ERICH6B: variants seen among roughly 807,000 people sequenced by gnomAD.
ERICH6B encodes glutamate rich 6B, also known as glutamate-rich protein 6B.
ERICH6B carries 69 observed loss-of-function variants against 80.0 expected under a neutral mutation model. The observed-to-expected ratio is 0.86, with a 90% CI of 0.71 to 1.05. The LOEUF (loss-of-function observed/expected upper bound fraction) is 1.05, where lower values mean the gene tolerates loss of function less well. ERICH6B is among the 50% of genes least tolerant of loss of function. The pLI, the probability that ERICH6B is intolerant of heterozygous loss-of-function variation, is 0.00. For missense variants in ERICH6B, 754 were observed against 796.1 expected (o/e 0.95, Z 0.64); for synonymous variants, 283 against 291.9 (o/e 0.97, Z 0.31).
intron 4 of ERICH6B, among the ~76,000 whole-genome samples, chr13:45,589,645 G>A (rs930312003): frequency 1.3e-5 from 2 of 152,228 alleles, no homozygotes; most frequent in Non-Finnish European, 2.9e-5. Context: ...GAGGAGCTGA[G>A]TTTCAAACCT....
At chr13:45,547,066 A>G (rs1435248242) in intron 13 of ERICH6B, among the ~76,000 whole-genome samples, 1 of 152,242 alleles carries the variant, frequency 6.6e-6, no homozygotes, top group African/African-American at 2.4e-5. Context: ...CTCGGTTCAA[A>G]GTCTGGCTGT....
chr13:45,579,471 T>C (rs1484392800), intron 7 of ERICH6B, among the ~76,000 whole-genome samples: 1 of 152,214 alleles, frequency 6.6e-6, no homozygotes, highest in East Asian at 1.9e-4. Context: ...GATTCTCCCC[T>C]GTTCTTCCCC....
chr13:45,587,511 G>A (rs1267998767), intron 4 of ERICH6B, among the ~76,000 whole-genome samples: 3 of 152,166 alleles, frequency 2.0e-5, no homozygotes, highest in Admixed American at 6.5e-5. Flanking sequence ...ACTGACAGAC[G>A]TTCCAGAACA....
chr13:45,562,211 T>G (rs1874713733), intron 10 of ERICH6B, among the ~76,000 whole-genome samples: 1 of 152,190 alleles, frequency 6.6e-6, no homozygotes, highest in Non-Finnish European at 1.5e-5. Context: ...CCACCACACC[T>G]GGCTAATGTA....
chr13:45,541,609 G>A lies in ERICH6B; in HGVS notation c.1944C>T (p.Ala648=). The A allele has an allele frequency of 6.4e-7, 1 of 1,551,618 alleles. No homozygotes were observed. Among genetic ancestry groups the A allele is most frequent in the Non-Finnish European group, 8.7e-7 (1 of 1,147,010 alleles). ...TCCCCAGAAGGACCCGGATCTTCTG[G>A]GCTGTTGGGCCGGGTTCTGCCTCCA... is the stretch of plus-strand genomic sequence containing the variant. The part of the protein sequence containing the change: ...TILEAEPGPT[A]QKIRVLLGKM... Residue 648 remains alanine (A), a synonymous_variant, in exon 15 of 15, where the codon GCC becomes GCT. Transcript: ENST00000298738.
At chr13:45,578,084 A>T (rs1401134583) in intron 7 of ERICH6B, among the ~76,000 whole-genome samples, 1 of 152,236 alleles carries the variant, frequency 6.6e-6, no homozygotes, top group East Asian at 1.9e-4. Context: ...ATCCAGTTTT[A>T]GCAAGAACCC....
chr13:45,613,035 G>A (rs1458489081), intron 1 of ERICH6B, among the ~76,000 whole-genome samples: 3 of 152,110 alleles, frequency 2.0e-5, no homozygotes, highest in Non-Finnish European at 2.9e-5. Context: ...GATGGTGTCA[G>A]GAGTTTGCAA....
At chr13:45,580,768 A>C (rs1875622834) in intron 5 of ERICH6B, 103 bp from the exon 6 acceptor site, 1 of 1,180,322 alleles carries the variant, frequency 8.5e-7, no homozygotes, top group Non-Finnish European at 1.2e-6. Flanking sequence ...CTTGGCACCC[A>C]AGGCTGGTCA....
intron 2 of ERICH6B, among the ~76,000 whole-genome samples, chr13:45,602,571 T>C (rs931708825): frequency 6.6e-6 from 1 of 152,268 alleles, no homozygotes; most frequent in African/African-American, 2.4e-5. Flanking sequence ...AATTAGACTT[T>C]CCTCCAGGAC....
chr13:45,598,652 C>T (rs1876503447), intron 2 of ERICH6B, among the ~76,000 whole-genome samples: 1 of 152,156 alleles, frequency 6.6e-6, no homozygotes, highest in African/African-American at 2.4e-5. Flanking sequence ...ACCCACATCA[C>T]TGTTGGAGCC....
chr13:45,584,927 C>T (rs1378539133), intron 5 of ERICH6B, among the ~76,000 whole-genome samples: 1 of 152,130 alleles, frequency 6.6e-6, no homozygotes, highest in Non-Finnish European at 1.5e-5. Flanking sequence ...GATGGTTTTC[C>T]TGCGTCCCTT....
At chr13:45,604,924 C>G (rs1949848766) in intron 2 of ERICH6B, among the ~76,000 whole-genome samples, 1 of 152,120 alleles carries the variant, frequency 6.6e-6, no homozygotes, top group Admixed American at 6.5e-5. Context: ...AAGAACAAAA[C>G]AAAACAAACC....
intron 1 of ERICH6B, among the ~76,000 whole-genome samples, chr13:45,610,047 A>G (rs1483224463): frequency 6.6e-6 from 1 of 152,196 alleles, no homozygotes; most frequent in Non-Finnish European, 1.5e-5. Flanking sequence ...CTAATGAGAG[A>G]CCACCAGGCC....
At chr13:45,600,720 A>C (rs1478213195) in intron 2 of ERICH6B, among the ~76,000 whole-genome samples, 21 of 152,310 alleles carry the variant, frequency 1.4e-4, no homozygotes, top group Non-Finnish European at 1.5e-5. Flanking sequence ...TATTTTGTAT[A>C]TATGCCACAT....
chr13:45,548,504 C>A (rs986077700), intron 13 of ERICH6B, among the ~76,000 whole-genome samples: 1 of 152,146 alleles, frequency 6.6e-6, no homozygotes, highest in Non-Finnish European at 1.5e-5. Context: ...AATCAGTTTG[C>A]GGGTAGGGCA....
chr13:45,610,833 C>CTGTGTGTG lies in ERICH6B; in HGVS notation c.-110-3226_-110-3219dup, dbSNP rs10653696. Among the ~76,000 whole-genome samples the CTGTGTGTG allele has an allele frequency of 1.7e-3, 244 of 147,482 alleles. 1 individual carries two copies. Among genetic ancestry groups the CTGTGTGTG allele is most frequent in the African/African-American group, 5.5e-3 (223 of 40,292 alleles). ...TCAAGTGAAATGTTATGTGGCAGGA[C>CTGTGTGTG]TGTGTGTGTGTGTGTGTGTGTGTGT... is the stretch of plus-strand genomic sequence containing the variant. On this transcript the variant is annotated intron_variant, in intron 1 of 14. Transcript: ENST00000298738.
At chr13:45,582,881 C>T (rs1875733081) in intron 5 of ERICH6B, among the ~76,000 whole-genome samples, 1 of 152,134 alleles carries the variant, frequency 6.6e-6, no homozygotes, top group African/African-American at 2.4e-5. Context: ...ACCTAAAAGC[C>T]AGTATTATGT....
At chr13:45,571,079 G>C (rs1001165494) in intron 8 of ERICH6B, among the ~76,000 whole-genome samples, 7 of 152,192 alleles carry the variant, frequency 4.6e-5, no homozygotes, top group Non-Finnish European at 8.8e-5. Flanking sequence ...TTGCCAAGCT[G>C]CATCACTGCC....
At chr13:45,551,402 G>A (rs1874215817) in intron 11 of ERICH6B, 1 of 151,398 alleles carries the variant, frequency 6.6e-6, no homozygotes, top group Admixed American at 6.6e-5. Context: ...TTCTGTTTTT[G>A]TCTTTCTTCT....
Sources: allele counts gnomAD v4.1 joint callset (sites outside exome capture counted in the v4.1 genomes callset), GRCh38; gene constraint gnomAD v4.1.1; transcripts MANE v1.5; gene names NCBI Gene and HGNC (gene_info 2026-07-23, HGNC 2026-07-21).